NLRP12: variants seen among roughly 807,000 people sequenced by gnomAD.
NLRP12 encodes NLR family pyrin domain containing 12.
Under a neutral mutation model 91.2 loss-of-function variants are expected in NLRP12, and 108 were observed. The ratio of observed to expected loss-of-function variants is 1.18; its 90% confidence interval spans 1.01 to 1.39. The LOEUF (loss-of-function observed/expected upper bound fraction) is 1.39. NLRP12 is among the 40% of genes most tolerant of loss of function. NLRP12 has a pLI of 0.00. For synonymous variants in NLRP12, 613 were observed against 566.7 expected, an observed-to-expected ratio of 1.08 and a Z score of -1.16; for missense variants, 1,530 against 1,352.7, an observed-to-expected ratio of 1.13 and a Z score of -2.06.
chr19:53,798,246 A>G lies in NLRP12; in HGVS notation c.2924T>C (p.Leu975Pro), dbSNP rs549778989. ...CCCGTCACTCCCCGATGCTCACCAC[A>G]GTTTCTGGAGTCTGCAGGCGGGATG... ...LQHPACRLQKLWLDSCGLTAK... is the reference protein window; with the variant it reads ...LQHPACRLQKPWLDSCGLTAK... Residue 975 changes from leucine to proline, a missense_variant, in exon 8 of 10, where the codon CTG becomes CCG. Coordinates refer to ENST00000324134, the MANE Select transcript of NLRP12 (RefSeq NM_144687.4). 4.3e-6 allele frequency: 7 copies of G among 1,614,168 alleles called. No homozygotes were observed. The highest frequency in any genetic ancestry group is 4.0e-5 in the African/African-American group (3 of 75,054).
At chr19:53,814,861 C>G (rs1345914235) in intron 2 of NLRP12, 47 bp downstream of exon 2, 3 of 1,514,226 alleles carry the variant, frequency 2.0e-6, no homozygotes, top group Non-Finnish European at 2.8e-6. Flanking sequence ...GTGGGGTCAG[C>G]TGCTCTGTGT....
intron 1 of NLRP12, among the ~76,000 whole-genome samples, chr19:53,819,540 CGTATATATATGTATGTATACGT>C (rs1371290138): frequency 0.012 from 39 of 3,330 alleles, 12 homozygotes; most frequent in African/African-American, 0.046. Flanking sequence ...TGTATGTATA[CGTATATATATGTATGTATACGT>C]ATATATATGC....
At chr19:53,815,091 A>G (rs2092136932) in intron 1 of NLRP12, 103 bp from the exon 2 acceptor site, 1 of 863,766 alleles carries the variant, frequency 1.2e-6, no homozygotes, top group South Asian at 1.3e-5. Context: ...CTCCCTGGTC[A>G]CCCGCACCCC....
At chr19:53,794,178 G>C (rs373968943) in intron 9 of NLRP12, 42 bp from the exon 10 acceptor site, 2 of 1,287,288 alleles carry the variant, frequency 1.6e-6, no homozygotes, top group African/African-American at 1.5e-5. Flanking sequence ...GTACTACTGT[G>C]GCATTCAATT....
intron 4 of NLRP12, among the ~76,000 whole-genome samples, chr19:53,806,645 C>CA (rs1372744651): frequency 2.3e-5 from 3 of 131,126 alleles, no homozygotes; most frequent in Non-Finnish European, 4.6e-5. Context: ...CACGCTACTG[C>CA]ACTCCAGCCT....
chr19:53,808,746 A>G (rs1311223914), intron 3 of NLRP12: 1 of 152,082 alleles, frequency 6.6e-6, no homozygotes, highest in Non-Finnish European at 1.5e-5. Context: ...CCAGACATCG[A>G]CCTCAATTTA....
chr19:53,798,028 C>A (rs1477408394), intron 8 of NLRP12, among the ~76,000 whole-genome samples: 2 of 152,242 alleles, frequency 1.3e-5, no homozygotes, highest in African/African-American at 2.4e-5. Context: ...CGCCATCGCG[C>A]CTGGCCTTAA....
chr19:53,811,291 A>G lies in NLRP12; in HGVS notation c.371-3T>C. The G allele has an allele frequency of 1.2e-6, 2 of 1,613,564 alleles. No individual in the cohort carries two copies. The highest frequency in any genetic ancestry group is 1.7e-6 in the Non-Finnish European group (2 of 1,179,990). On this transcript the variant is annotated splice_region_variant and splice_polypyrimidine_tract_variant and intron_variant, in intron 2 of 9. Transcript: ENST00000324134. ...GTCCCTGTAGGTTTCCTGGGGATCTAGGGGAGAGGAATGAAGGTTTTGTGG... is the reference window on the plus strand; with the variant it reads ...GTCCCTGTAGGTTTCCTGGGGATCTGGGGGAGAGGAATGAAGGTTTTGTGG...
chr19:53,822,807 A>AC (rs992058238), intron 1 of NLRP12, among the ~76,000 whole-genome samples: 1 of 149,536 alleles, frequency 6.7e-6, no homozygotes, highest in African/African-American at 2.5e-5. Flanking sequence ...TCACTCTGTT[A>AC]CCCAGCCTGG....
At chr19:53,807,051 G>A (rs2091971135) in intron 4 of NLRP12, among the ~76,000 whole-genome samples, 1 of 151,356 alleles carries the variant, frequency 6.6e-6, no homozygotes, top group Non-Finnish European at 1.5e-5. Flanking sequence ...TTTATGTGGT[G>A]AAGCCACCCA....
At chr19:53,813,666 A>T (rs1254471219) in intron 2 of NLRP12, among the ~76,000 whole-genome samples, 1 of 151,234 alleles carries the variant, frequency 6.6e-6, no homozygotes, top group Non-Finnish European at 1.5e-5. Context: ...GATAAGTGGA[A>T]TCATACAATA....
In NLRP12 at chr19:53,814,997, G is replaced by C; in HGVS notation, c.290-9C>G. On this transcript the variant is annotated splice_polypyrimidine_tract_variant and intron_variant, in intron 1 of 9. Transcript: ENST00000324134. Reference sequence around the variant, plus strand: ...GCCACCAGGTGGGGTATCTGGAAGAGAAATTGTGGAAGATGAGCTAGCACG... The same window carrying C: ...GCCACCAGGTGGGGTATCTGGAAGACAAATTGTGGAAGATGAGCTAGCACG... 4 of 1,606,904 alleles carry C rather than the reference G, an allele frequency of 2.5e-6. No individual in the cohort carries two copies. Among genetic ancestry groups the C allele is most frequent in the Non-Finnish European group, 3.4e-6 (4 of 1,173,366 alleles).
At chr19:53,811,642 C>T (rs528697294) in intron 2 of NLRP12, among the ~76,000 whole-genome samples, 2 of 151,300 alleles carry the variant, frequency 1.3e-5, no homozygotes, top group Admixed American at 1.3e-4. Context: ...GGTGTGCTCC[C>T]TGCAACATCC....
intron 7 of NLRP12, among the ~76,000 whole-genome samples, chr19:53,800,003 AAAAT>A (rs965550969): frequency 2.0e-5 from 3 of 152,074 alleles, no homozygotes; most frequent in African/African-American, 7.2e-5. Context: ...GTCCCTACAA[AAAAT>A]AAATAAAAAT....
At chr19:53,801,747 G>A (rs927498079) in intron 6 of NLRP12, among the ~76,000 whole-genome samples, 1 of 151,734 alleles carries the variant, frequency 6.6e-6, no homozygotes, top group African/African-American at 2.4e-5. Context: ...GAGCCACTGC[G>A]CCTAGGCCCC....
chr19:53,809,002 G>C (rs1210163868), intron 3 of NLRP12, among the ~76,000 whole-genome samples: 1 of 151,942 alleles, frequency 6.6e-6, no homozygotes, highest in South Asian at 2.1e-4. Context: ...AAGGTGGGTG[G>C]ATCACTTGAG....
intron 1 of NLRP12, among the ~76,000 whole-genome samples, chr19:53,815,548 G>GA (rs1417617392): frequency 1.3e-5 from 2 of 150,416 alleles, no homozygotes; most frequent in African/African-American, 4.9e-5. Context: ...TTTTGACTGG[G>GA]AAGTTCTGAG....
intron 1 of NLRP12, among the ~76,000 whole-genome samples, chr19:53,823,106 C>T (rs1475069304): frequency 6.6e-6 from 1 of 151,094 alleles, no homozygotes; most frequent in African/African-American, 2.4e-5. Flanking sequence ...CACACATATA[C>T]ACACACATAT....
rs754386212 is a variant in NLRP12 at position 53,807,649 on chromosome 19, G to C, written c.2089C>G (p.Leu697Val). The change falls in exon 4 of 10, where the codon CTG (leucine) becomes GTG (valine). Residue 697 changes from leucine (L) to valine (V), a missense_variant. Physicochemically the swap from Leu to Val is conservative, Grantham distance 32. Transcript: ENST00000324134. The stretch of plus-strand genomic sequence containing the variant: ...AGATGTTCACTGTAGGCGTCCAGCA[G>C]AACGGTCCTCTCTGGTCTGCTTGAA... ...LLVQLPERTV[L>V]LDAYSEHLAA... 6.2e-6 allele frequency: 10 copies of C among 1,614,056 alleles called. No homozygotes were observed. Among genetic ancestry groups the C allele is most frequent in the Non-Finnish European group, 3.4e-6 (4 of 1,180,042 alleles).
Sources: allele counts gnomAD v4.1 joint callset (sites outside exome capture counted in the v4.1 genomes callset), GRCh38; gene constraint gnomAD v4.1.1; transcripts MANE v1.5; gene names NCBI Gene and HGNC (gene_info 2026-07-23, HGNC 2026-07-21).